The following TMEM87A variants were observed in gnomAD, a reference collection of about 807,000 sequenced individuals.
TMEM87A encodes Golgi-pH regulating cation channel.
In TMEM87A, 50 loss-of-function variants were observed where a neutral mutation model predicts 90.0. The observed-to-expected ratio is 0.56, with a 90% CI of 0.44 to 0.70. The LOEUF (loss-of-function observed/expected upper bound fraction) is 0.70, where lower values mean the gene tolerates loss of function less well. TMEM87A is among the 30% of genes least tolerant of loss of function. TMEM87A has a pLI of 0.00. For synonymous variants in TMEM87A, 226 were observed against 226.7 expected, an observed-to-expected ratio of 1.00 and a Z score of 0.03; for missense variants, 577 against 660.5, an observed-to-expected ratio of 0.87 and a Z score of 1.39.
intron 1 of TMEM87A, among the ~76,000 whole-genome samples, chr15:42,272,430 G>T (rs928434781): frequency 2.6e-5 from 4 of 152,128 alleles, no homozygotes; most frequent in African/African-American, 9.7e-5. Flanking sequence ...TGAACAAAAG[G>T]TATAACGTTT....
rs559772026 is a variant in TMEM87A, at chr15:42,269,621, A to G, written c.206-1589T>C. 1.1e-3 allele frequency among the ~76,000 whole-genome samples: 171 copies of G among 152,354 alleles called. 1 individual carries two copies. Among genetic ancestry groups the G allele is most frequent in the Non-Finnish European group, 9.3e-4 (63 of 68,026 alleles). On this transcript the variant is annotated intron_variant, in intron 2 of 19. Coordinates refer to ENST00000389834, the MANE Select transcript of TMEM87A (RefSeq NM_015497.5). ...CTGTTTATGTTACAAGACAATATTT[A>G]GAACTTTAAATGAAAGGCTTTAAGA...
chr15:42,218,526 A>G (rs2050419229), intron 17 of TMEM87A, 148 bp from the exon 18 acceptor site: 2 of 691,054 alleles, frequency 2.9e-6, no homozygotes, highest in Admixed American at 3.2e-5. Context: ...AAATATTTTA[A>G]TTTTTAAAAA....
chr15:42,262,475 T>C (rs2899043), intron 4 of TMEM87A, among the ~76,000 whole-genome samples: 140,700 of 149,376 alleles, frequency 0.94, 66,822 homozygotes, highest in Non-Finnish European at 1. Flanking sequence ...GTTTCACTCT[T>C]GTCGCCCAGG....
chr15:42,248,327 G>C (rs112833900), intron 6 of TMEM87A, among the ~76,000 whole-genome samples: 5 of 152,120 alleles, frequency 3.3e-5, no homozygotes, highest in African/African-American at 4.8e-5. Context: ...ATGTTGAATA[G>C]GAGTAGTGAG....
chr15:42,250,300 C>T (rs1369132475), intron 6 of TMEM87A, among the ~76,000 whole-genome samples: 1 of 152,182 alleles, frequency 6.6e-6, no homozygotes, highest in Non-Finnish European at 1.5e-5. Context: ...TGAATTTGAT[C>T]CTGTCATTAT....
At chr15:42,254,952 G>T (rs2051149555) in intron 6 of TMEM87A, among the ~76,000 whole-genome samples, 1 of 140,648 alleles carries the variant, frequency 7.1e-6, no homozygotes, top group Non-Finnish European at 1.5e-5. Context: ...GACACAGCAT[G>T]TGGGAGGTCT....
chr15:42,263,272 T>C (rs1347526852), intron 4 of TMEM87A, among the ~76,000 whole-genome samples: 4 of 152,168 alleles, frequency 2.6e-5, no homozygotes, highest in Non-Finnish European at 5.9e-5. Context: ...CTTAAAAACA[T>C]TATGCTAAGT....
intron 3 of TMEM87A, among the ~76,000 whole-genome samples, chr15:42,265,750 G>A (rs954309723): frequency 3.3e-5 from 5 of 152,096 alleles, no homozygotes; most frequent in East Asian, 1.9e-4. Flanking sequence ...TGCTTTTGGC[G>A]CAATTGCTTT....
chr15:42,253,856 A>G (rs1452573735), intron 6 of TMEM87A, among the ~76,000 whole-genome samples: 1 of 152,156 alleles, frequency 6.6e-6, no homozygotes, highest in Non-Finnish European at 1.5e-5. Context: ...TCACTACTCC[A>G]CAATTCTTGG....
intron 8 of TMEM87A, 62 bp downstream of exon 8, chr15:42,239,608 T>C (rs1298932954): frequency 2.2e-6 from 3 of 1,345,892 alleles, no homozygotes; most frequent in African/African-American, 1.4e-5. Flanking sequence ...CCACAAAACA[T>C]GGGACAATCT....
intron 4 of TMEM87A, among the ~76,000 whole-genome samples, chr15:42,262,936 T>C (rs571368613): frequency 6.6e-6 from 1 of 152,336 alleles, no homozygotes; most frequent in Non-Finnish European, 1.5e-5. Flanking sequence ...TATCAGAATC[T>C]CCACTTACAT....
intron 6 of TMEM87A, among the ~76,000 whole-genome samples, chr15:42,251,657 T>C (rs1163674528): frequency 2.6e-5 from 4 of 152,184 alleles, no homozygotes; most frequent in Non-Finnish European, 5.9e-5. Context: ...GAAGTGTCAG[T>C]TGGCCCCTAC....
chr15:42,233,062 A>T, intron 11 of TMEM87A, 151 bp downstream of exon 11: 1 of 538,254 alleles, frequency 1.9e-6, no homozygotes, highest in Non-Finnish European at 3.3e-6. Context: ...TTTAAAAGAG[A>T]ACATGAACTA....
intron 9 of TMEM87A, among the ~76,000 whole-genome samples, chr15:42,236,798 G>A (rs2140941287): frequency 6.6e-6 from 1 of 152,246 alleles, no homozygotes; most frequent in South Asian, 2.1e-4. Flanking sequence ...CACGCTTGTT[G>A]GCATGTACAG....
chr15:42,238,037 ATG>A (rs1157814149), intron 8 of TMEM87A, among the ~76,000 whole-genome samples: 2 of 148,926 alleles, frequency 1.3e-5, no homozygotes, highest in Non-Finnish European at 1.5e-5. Context: ...GTGTGTGTGT[ATG>A]TATGTATCAC....
At chr15:42,252,660 T>A (rs1485862055) in intron 6 of TMEM87A, among the ~76,000 whole-genome samples, 1 of 152,142 alleles carries the variant, frequency 6.6e-6, no homozygotes. Flanking sequence ...TCATTCTTTT[T>A]ATCATTTTTA....
intron 6 of TMEM87A, among the ~76,000 whole-genome samples, chr15:42,253,843 A>G (rs2051129938): frequency 6.6e-6 from 1 of 152,124 alleles, no homozygotes; most frequent in Non-Finnish European, 1.5e-5. Context: ...GGAGACCTGG[A>G]CCTCACTACT....
In TMEM87A at chr15:42,231,263, G is replaced by A. The variant is rs771078637; in HGVS notation, c.1063-3C>T. On this transcript the variant is annotated splice_polypyrimidine_tract_variant and splice_region_variant and intron_variant, in intron 11 of 19. Coordinates refer to ENST00000389834, the MANE Select transcript of TMEM87A (RefSeq NM_015497.5). ...AAGGAAGCAAGATCAGTCTGGGCCT[G>A]CAGACAAAGAAAAAGAAGTGGTGAA... is the stretch of plus-strand genomic sequence containing the variant. The A allele has an allele frequency of 1.3e-6, 2 of 1,561,652 alleles. No individual in the cohort carries two copies. The highest frequency in any genetic ancestry group is 2.4e-5 in the South Asian group (2 of 81,886).
At chr15:42,213,018 T>C (rs571609180) in intron 19 of TMEM87A, among the ~76,000 whole-genome samples, 2 of 152,270 alleles carry the variant, frequency 1.3e-5, no homozygotes, top group African/African-American at 4.8e-5. Context: ...CAGAAACCAG[T>C]TGAGGGTCTT....
Sources: gnomAD v4.1 joint callset for allele counts (sites outside exome capture counted in the v4.1 genomes callset) on GRCh38, gnomAD v4.1.1 for gene constraint, MANE v1.5 for transcripts, NCBI Gene and HGNC (gene_info 2026-07-23, HGNC 2026-07-21) for gene names.